Variants in EXT1 observed in about 807,000 individuals in gnomAD.
The protein encoded by EXT1 is exostosin glycosyltransferase 1.
EXT1 carries 20 observed loss-of-function variants against 82.5 expected under a neutral mutation model. The observed-to-expected ratio is 0.24, with a 90% confidence interval of 0.17 to 0.35. EXT1 has a LOEUF of 0.35. Among genes scored for constraint, EXT1 ranks in the 10% least tolerant of loss-of-function variants. EXT1 has a pLI of 1.00. For synonymous variants in EXT1, 348 were observed against 350.8 expected (o/e 0.99, Z 0.09); for missense variants, 757 against 936.5 (o/e 0.81, Z 2.50).
intron 9 of EXT1, among the ~76,000 whole-genome samples, chr8:117,806,408 G>A (rs1042998525): frequency 1.3e-5 from 2 of 152,016 alleles, no homozygotes; most frequent in African/African-American, 4.8e-5. Flanking sequence ...ACAGTGACAT[G>A]CTGTACATGT....
chr8:118,088,471 A>C (rs911621137), intron 1 of EXT1, among the ~76,000 whole-genome samples: 1 of 151,304 alleles, frequency 6.6e-6, no homozygotes, highest in Non-Finnish European at 1.5e-5. Context: ...AGTGGCTGCT[A>C]TCTGATTAAT....
intron 1 of EXT1, among the ~76,000 whole-genome samples, chr8:118,001,049 G>A (rs763411643): frequency 1.3e-5 from 2 of 152,062 alleles, no homozygotes; most frequent in Admixed American, 6.5e-5. Context: ...TAAAATATAC[G>A]ATCAACCCAT....
intron 1 of EXT1, among the ~76,000 whole-genome samples, chr8:117,903,854 C>T (rs62521140): frequency 2.6e-5 from 4 of 151,966 alleles, no homozygotes; most frequent in African/African-American, 7.2e-5. Flanking sequence ...CCAAAAAATC[C>T]GAACTATAAA....
At chr8:117,959,609 A>G (rs1221827236) in intron 1 of EXT1, among the ~76,000 whole-genome samples, 2 of 152,220 alleles carry the variant, frequency 1.3e-5, no homozygotes, top group African/African-American at 4.8e-5. Flanking sequence ...AGATGAGGAC[A>G]CTGGAGATCA....
At chr8:118,092,791 C>G (rs17454197) in intron 1 of EXT1, among the ~76,000 whole-genome samples, 5,136 of 152,322 alleles carry the variant, frequency 0.034, 106 homozygotes, top group South Asian at 0.077. Context: ...ATGCCCTAGG[C>G]TGAAGGGCAG....
intron 1 of EXT1, among the ~76,000 whole-genome samples, chr8:117,945,602 A>T (rs148115962): frequency 0.019 from 2,854 of 152,014 alleles, 100 homozygotes; most frequent in African/African-American, 0.066. Flanking sequence ...CCCAGGTTCA[A>T]GCAATTCTCC....
chr8:117,839,676 T>G (rs1284554892), intron 1 of EXT1, among the ~76,000 whole-genome samples: 1 of 152,248 alleles, frequency 6.6e-6, no homozygotes, highest in Admixed American at 6.5e-5. Flanking sequence ...GGAAGAATGA[T>G]GCCCCACAAG....
At chr8:117,967,339 C>T (rs1814841007) in intron 1 of EXT1, among the ~76,000 whole-genome samples, 2 of 152,330 alleles carry the variant, frequency 1.3e-5, no homozygotes, top group Middle Eastern at 3.4e-3. Context: ...TACTTCTGTT[C>T]AGTTTCCAGT....
At chr8:117,937,489 G>C (rs1280641723) in intron 1 of EXT1, among the ~76,000 whole-genome samples, 1 of 152,230 alleles carries the variant, frequency 6.6e-6, no homozygotes, top group African/African-American at 2.4e-5. Context: ...TATGAAGTCT[G>C]TGTTTCTTCA....
intron 1 of EXT1, among the ~76,000 whole-genome samples, chr8:118,002,184 C>T (rs1470288496): frequency 6.6e-6 from 1 of 151,830 alleles, no homozygotes; most frequent in African/African-American, 2.4e-5. Flanking sequence ...AATAATTCTT[C>T]CTCAGCATAA....
chr8:117,816,667 A>G (rs1401875898), intron 7 of EXT1, among the ~76,000 whole-genome samples: 3 of 152,204 alleles, frequency 2.0e-5, no homozygotes, highest in South Asian at 2.1e-4. Flanking sequence ...TATTATTATC[A>G]CCACCATTTT....
intron 3 of EXT1, chr8:117,831,729 C>T: frequency 4.3e-6 from 2 of 467,334 alleles, no homozygotes; most frequent in South Asian, 3.1e-5. Context: ...AAGACTGTAA[C>T]AGAGTTTCCA....
intron 1 of EXT1, among the ~76,000 whole-genome samples, chr8:117,912,950 A>C (rs1446931853): frequency 6.6e-6 from 1 of 152,332 alleles, no homozygotes. Flanking sequence ...GTGGCCGCGC[A>C]CAGTGGCTCA....
At chr8:117,866,204 G>A (rs1812771822) in intron 1 of EXT1, among the ~76,000 whole-genome samples, 3 of 152,282 alleles carry the variant, frequency 2.0e-5, no homozygotes, top group Admixed American at 6.5e-5. Context: ...CAGCCTGGGC[G>A]ACACAGTGAG....
At chr8:117,920,205 G>A (rs905929566) in intron 1 of EXT1, among the ~76,000 whole-genome samples, 5 of 152,026 alleles carry the variant, frequency 3.3e-5, no homozygotes, top group African/African-American at 1.2e-4. Flanking sequence ...CCCAGGTTCA[G>A]GCGATTCTCT....
chr8:117,831,010 A>G (rs978288304), intron 3 of EXT1, among the ~76,000 whole-genome samples: 1 of 152,210 alleles, frequency 6.6e-6, no homozygotes, highest in African/African-American at 2.4e-5. Flanking sequence ...GGAAGGACCT[A>G]TATCTTGTTA....
Position 118,110,687 on chromosome 8 carries a change from TG to T in EXT1, c.359del (p.Pro120HisfsTer16), listed in dbSNP as rs773424415. On this transcript the variant is annotated frameshift_variant, in exon 1 of 11. Transcript: ENST00000378204. LOFTEE classifies it high-confidence loss of function. Reference protein sequence around the residue: ...KKNGFKVYVYPQQKGEKIAES... With the variant: ...KKNGFKVYVYXQQKGEKIAES... The stretch of plus-strand genomic sequence containing the variant: ...CGGCGATTTTCTCCCCTTTTTGCTG[TG>T]GGTATACGTAGACTTTGAAGCCGTT... 2 of 1,614,142 alleles carry T rather than the reference TG, an allele frequency of 1.2e-6. No individual in the cohort carries two copies. Among genetic ancestry groups the T allele is most frequent in the East Asian group, 2.2e-5 (1 of 44,874 alleles).
chr8:117,835,224 T>C lies in EXT1; in HGVS notation c.1164+220A>G, dbSNP rs56857154. Among the ~76,000 whole-genome samples the C allele has an allele frequency of 0.011, 1,711 of 152,340 alleles. 37 individuals carry two copies. The highest frequency in any genetic ancestry group is 0.04 in the African/African-American group (1,650 of 41,570). On this transcript the variant is annotated intron_variant, in intron 3 of 10. Transcript: ENST00000378204. ...AAAATCAAAGCTCCCATTCTTTACCTGCAACTTCTTTTCAGAATATATTCT... is the reference window on the plus strand; with the variant it reads ...AAAATCAAAGCTCCCATTCTTTACCCGCAACTTCTTTTCAGAATATATTCT...
At chr8:118,021,784 G>A (rs75253280) in intron 1 of EXT1, among the ~76,000 whole-genome samples, 4 of 152,198 alleles carry the variant, frequency 2.6e-5, no homozygotes, top group East Asian at 1.9e-4. Context: ...CAGGTTCTTC[G>A]GGAAAATGAG....
Sources: allele counts gnomAD v4.1 joint callset (sites outside exome capture counted in the v4.1 genomes callset), GRCh38; gene constraint gnomAD v4.1.1; transcripts MANE v1.5; gene names NCBI Gene and HGNC (gene_info 2026-07-23, HGNC 2026-07-21).